PLD5: variants seen among roughly 807,000 people sequenced by gnomAD.
The protein encoded by PLD5 is phospholipase D family member 5.
A neutral mutation model predicts 61.1 loss-of-function variants in PLD5; 36 were observed. The observed-to-expected ratio is 0.59, with a 90% confidence interval of 0.45 to 0.78. PLD5 has a LOEUF of 0.78. Ranked by LOEUF, PLD5 falls within the 30% of genes least tolerant of loss-of-function variation. The pLI is 0.00. For missense variants in PLD5, 515 were observed against 644.4 expected (o/e 0.80, Z 2.17); for synonymous variants, 243 against 242.8 (o/e 1.00, Z -0.01).
chr1:242,503,981 A>G lies in PLD5; in HGVS notation c.189+20107T>C, dbSNP rs74859062. ...CTATTTAAGACATTCTGCCTTGGGTATTCTCTTAGTTAATGCTGAACTTAT... is the reference window on the plus strand; with the variant it reads ...CTATTTAAGACATTCTGCCTTGGGTGTTCTCTTAGTTAATGCTGAACTTAT... On this transcript the variant is annotated intron_variant, in intron 1 of 9. Coordinates refer to ENST00000536534, the MANE Select transcript of PLD5 (RefSeq NM_001372062.1). Among the ~76,000 whole-genome samples, 815 of 152,292 alleles carry G rather than the reference A, an allele frequency of 5.4e-3. 6 individuals are homozygous for G. The highest frequency in any genetic ancestry group is 0.019 in the African/African-American group (777 of 41,560).
At chr1:242,186,774 C>G (rs1667929553) in intron 5 of PLD5, among the ~76,000 whole-genome samples, 1 of 152,138 alleles carries the variant, frequency 6.6e-6, no homozygotes, top group Non-Finnish European at 1.5e-5. Flanking sequence ...ACTAGGCTTT[C>G]AAAGATTATG....
chr1:242,419,520 T>TGA (rs2149297145), intron 1 of PLD5, among the ~76,000 whole-genome samples: 1 of 149,930 alleles, frequency 6.7e-6, no homozygotes, highest in East Asian at 2.0e-4. Context: ...CTCAGCCTCC[T>TGA]GAGTAGCTGG....
chr1:242,194,598 C>CTATCTATCTATCTATG (rs1668494110), intron 5 of PLD5, among the ~76,000 whole-genome samples: 1 of 77,990 alleles, frequency 1.3e-5, no homozygotes, highest in Non-Finnish European at 2.3e-5. Context: ...ATCTATCTAT[C>CTATCTATCTATCTATG]TATCTATGTA....
At chr1:242,342,997 G>C (rs1164615926) in intron 2 of PLD5, among the ~76,000 whole-genome samples, 1 of 152,112 alleles carries the variant, frequency 6.6e-6, no homozygotes, top group African/African-American at 2.4e-5. Context: ...CTTTTTTAGA[G>C]AGGCATATGA....
chr1:242,111,347 G>A (rs1661483923), intron 7 of PLD5, among the ~76,000 whole-genome samples: 1 of 152,096 alleles, frequency 6.6e-6, no homozygotes, highest in Non-Finnish European at 1.5e-5. Context: ...GTGAGCCACC[G>A]TGCCTGGCCG....
intron 1 of PLD5, among the ~76,000 whole-genome samples, chr1:242,370,709 G>A (rs1661588141): frequency 6.6e-6 from 1 of 152,126 alleles, no homozygotes; most frequent in Non-Finnish European, 1.5e-5. Flanking sequence ...CACTGTCAAT[G>A]TCAATAGGAA....
At chr1:242,423,521 G>A (rs2810018) in intron 1 of PLD5, among the ~76,000 whole-genome samples, 100,913 of 152,036 alleles carry the variant, frequency 0.66, 34,040 homozygotes, top group African/African-American at 0.77. Flanking sequence ...TTTGGTCTTC[G>A]GTTTCTTCAT....
intron 2 of PLD5, among the ~76,000 whole-genome samples, chr1:242,289,274 T>C (rs1675214105): frequency 6.6e-6 from 1 of 152,224 alleles, no homozygotes; most frequent in Admixed American, 6.5e-5. Flanking sequence ...CTGAATTAGG[T>C]GACAGATAAC....
In PLD5 at chr1:242,107,734, C is replaced by A. The variant is rs141070061; in HGVS notation, c.1176G>T (p.Thr392=). The A allele has an allele frequency of 3.1e-6, 5 of 1,611,326 alleles. No homozygotes were observed. The East Asian group carries it at 8.9e-5, about 29-fold the overall frequency. Residue 392 remains threonine (T), a synonymous_variant, in exon 8 of 10, where the codon ACG becomes ACT. Transcript: ENST00000536534. ...CTTTAAGAGATGAAATAAAGTTAAA[C>A]GTAAGGGGATCAGTTTCCTTCCAGA... ...LSFWKETDPL[T]FNFISSLKAI...
Position 242,107,651 on chromosome 1 carries a change from A to T in PLD5, c.1239+20T>A. ...GGGCATTCACTTTTTATTTAATAAC[A>T]CAGTCAACGTAATACTTACAACTTT... On this transcript the variant is annotated intron_variant, in intron 8 of 9. Coordinates refer to ENST00000536534, the MANE Select transcript of PLD5 (RefSeq NM_001372062.1). 1 of 1,552,010 alleles carries T rather than the reference A, an allele frequency of 6.4e-7. No homozygotes were observed. Among genetic ancestry groups the T allele is most frequent in the Non-Finnish European group, 8.7e-7 (1 of 1,152,282 alleles).
chr1:242,451,801 C>T (rs1477531791), intron 1 of PLD5, among the ~76,000 whole-genome samples: 1 of 151,912 alleles, frequency 6.6e-6, no homozygotes, highest in Non-Finnish European at 1.5e-5. Context: ...AAGGTAAAAC[C>T]GAGACTACTC....
At chr1:242,233,783 C>T (rs1671463624) in intron 4 of PLD5, among the ~76,000 whole-genome samples, 3 of 152,028 alleles carry the variant, frequency 2.0e-5, no homozygotes, top group Admixed American at 2.0e-4. Context: ...TGCAAACAGC[C>T]CCCCTCTAGC....
chr1:242,522,155 TA>T (rs2103013487), intron 1 of PLD5, among the ~76,000 whole-genome samples: 1 of 152,318 alleles, frequency 6.6e-6, no homozygotes, highest in South Asian at 2.1e-4. Context: ...CATCTCTCAT[TA>T]AATGTAGTTG....
chr1:242,175,036 T>TATA (rs1297486875), intron 5 of PLD5, among the ~76,000 whole-genome samples: 1 of 151,836 alleles, frequency 6.6e-6, no homozygotes, highest in African/African-American at 2.4e-5. Context: ...GAACTTAAAG[T>TATA]ATAATAATAA....
rs571321916 is a variant in PLD5, at chr1:242,394,879, A to T, written c.190-46637T>A. Among the ~76,000 whole-genome samples the T allele has an allele frequency of 2.8e-4, 24 of 84,828 alleles. 3 individuals carry two copies. Among genetic ancestry groups the T allele is most frequent in the South Asian group, 7.3e-4 (2 of 2,754 alleles). 55.7% of individuals were successfully genotyped at this position (84,828 alleles called of 152,430 possible). A position where few individuals can be genotyped will look rare whatever the true frequency, so the allele number is the denominator to read the frequency against. On this transcript the variant is annotated intron_variant, in intron 1 of 9. Transcript: ENST00000536534. ...ATATATGTATATATGAATATATATG[A>T]ATATATGTATATATATGATTATATA...
At chr1:242,333,075 G>T (rs182767065) in intron 2 of PLD5, among the ~76,000 whole-genome samples, 76 of 152,282 alleles carry the variant, frequency 5.0e-4, no homozygotes, top group African/African-American at 1.8e-3. Flanking sequence ...AGAGCTTGGT[G>T]CTTTTAGGGC....
At chr1:242,230,234 T>C (rs556968702) in intron 4 of PLD5, among the ~76,000 whole-genome samples, 1 of 152,346 alleles carries the variant, frequency 6.6e-6, no homozygotes, top group South Asian at 2.1e-4. Context: ...ACTATTTTAA[T>C]TCAGTATTTA....
At chr1:242,445,698 C>G (rs1250303071) in intron 1 of PLD5, among the ~76,000 whole-genome samples, 2 of 150,944 alleles carry the variant, frequency 1.3e-5, no homozygotes, top group Admixed American at 6.7e-5. Context: ...GCAGCCTGAA[C>G]AGACTAAGAC....
At chr1:242,361,712 G>A (rs1661075603) in intron 1 of PLD5, among the ~76,000 whole-genome samples, 1 of 152,166 alleles carries the variant, frequency 6.6e-6, no homozygotes, top group South Asian at 2.1e-4. Flanking sequence ...ATATTTGAAT[G>A]TCATATCCTT....
Sources: gnomAD v4.1 joint callset for allele counts (sites outside exome capture counted in the v4.1 genomes callset) on GRCh38, gnomAD v4.1.1 for gene constraint, MANE v1.5 for transcripts, NCBI Gene and HGNC (gene_info 2026-07-23, HGNC 2026-07-21) for gene names.